MAP3K21: variants seen among roughly 807,000 people sequenced by gnomAD.
The protein encoded by MAP3K21 is mitogen-activated protein kinase kinase kinase MLK4.
A neutral mutation model predicts 86.1 loss-of-function variants in MAP3K21; 63 were observed. The ratio of observed to expected loss-of-function variants is 0.73; its 90% CI spans 0.60 to 0.90. The LOEUF (loss-of-function observed/expected upper bound fraction) is 0.90. MAP3K21 is among the 40% of genes least tolerant of loss of function. The probability of loss-of-function intolerance (pLI) is 0.00; values close to 1 mark genes in which losing one functional copy is unlikely to be tolerated. For synonymous variants in MAP3K21, 558 were observed against 564.8 expected (o/e 0.99, Z 0.17); for missense variants, 1,220 against 1,367.7 (o/e 0.89, Z 1.70).
chr1:233,330,319 G>A (rs567432136), intron 1 of MAP3K21, among the ~76,000 whole-genome samples: 141 of 152,272 alleles, frequency 9.3e-4, no homozygotes, highest in African/African-American at 3.2e-3. Context: ...TACTGGTAGC[G>A]GTGTATTCTT....
intron 4 of MAP3K21, among the ~76,000 whole-genome samples, chr1:233,358,470 T>TTTGTTG (rs1663404787): frequency 3.2e-5 from 3 of 93,264 alleles, no homozygotes; most frequent in Admixed American, 1.2e-4. Flanking sequence ...AAGACTCTAA[T>TTTGTTG]TTGTTTTTTT....
At chr1:233,359,412 T>C (rs950128900) in intron 4 of MAP3K21, among the ~76,000 whole-genome samples, 11 of 152,210 alleles carry the variant, frequency 7.2e-5, no homozygotes, top group Non-Finnish European at 1.5e-4. Context: ...AATGCTTTTT[T>C]TTGGCTTCGA....
intron 2 of MAP3K21, among the ~76,000 whole-genome samples, chr1:233,348,583 G>A (rs1224232212): frequency 6.6e-6 from 1 of 152,094 alleles, no homozygotes; most frequent in African/African-American, 2.4e-5. Context: ...TTTCCAAAGT[G>A]GCTGCACCTT....
intron 6 of MAP3K21, chr1:233,372,500 T>G (rs971349345): frequency 6.0e-6 from 2 of 330,790 alleles, no homozygotes; most frequent in Admixed American, 9.6e-5. Context: ...GTCAGGGTAC[T>G]TTGAAAAATG....
chr1:233,351,339 T>C (rs1177139760), intron 2 of MAP3K21, among the ~76,000 whole-genome samples: 8 of 152,176 alleles, frequency 5.3e-5, no homozygotes, highest in Admixed American at 5.2e-4. Flanking sequence ...AAACAATGTT[T>C]TGAGATGGTA....
Position 233,327,786 on chromosome 1 carries a change from A to G in MAP3K21, c.-243A>G, listed in dbSNP as rs1013050404. 6.5e-5 allele frequency: 20 copies of G among 310,046 alleles called. No individual in the cohort carries two copies. The highest frequency in any genetic ancestry group is 1.6e-4 in the South Asian group (1 of 6,398). The allele number at this position is 310,046 out of a possible 1,614,324, so 19.2% of individuals were successfully genotyped here. On this transcript the variant is annotated 5_prime_UTR_variant, in exon 1 of 10. The change abolishes an upstream ATG in the 5' untranslated region. Coordinates refer to ENST00000366624, the MANE Select transcript of MAP3K21 (RefSeq NM_032435.3). The stretch of plus-strand genomic sequence containing the variant: ...CCGGCCGCAGGGCCTGGGCACGACC[A>G]TGGTGGGACGTCGCCCGCGGCTTCG...
At chr1:233,375,722 C>T in intron 6 of MAP3K21, 194 bp from the exon 7 acceptor site, 1 of 526,346 alleles carries the variant, frequency 1.9e-6, no homozygotes. Flanking sequence ...TAACTTACTC[C>T]ATTTTTCTTG....
At chr1:233,381,423 C>A (rs1315892899) in intron 9 of MAP3K21, among the ~76,000 whole-genome samples, 1 of 152,092 alleles carries the variant, frequency 6.6e-6, no homozygotes, top group African/African-American at 2.4e-5. Flanking sequence ...ACCTTATATA[C>A]CTGTCATGAA....
intron 6 of MAP3K21, chr1:233,373,228 T>C (rs910900588): frequency 6.6e-5 from 10 of 152,222 alleles, no homozygotes; most frequent in Non-Finnish European, 1.0e-4. Context: ...AAAGGCCTAA[T>C]TAACGGAGAG....
intron 5 of MAP3K21, among the ~76,000 whole-genome samples, chr1:233,363,466 G>A (rs761843156): frequency 6.6e-6 from 1 of 152,062 alleles, no homozygotes; most frequent in Non-Finnish European, 1.5e-5. Context: ...GGTTAGCTGA[G>A]GTGGGTGGAT....
Position 233,376,071 on chromosome 1 carries a change from G to T in MAP3K21, c.1826+5G>T. 3.1e-6 allele frequency: 5 copies of T among 1,598,588 alleles called. No homozygotes were observed. The highest frequency in any genetic ancestry group is 4.3e-6 in the Non-Finnish European group (5 of 1,175,932). On this transcript the variant is annotated splice_donor_5th_base_variant and intron_variant, in intron 7 of 9. Transcript: ENST00000366624. ...TAGAACAGATTGCAAAGAAAGGTAC[G>T]TGTGTGGTATCTGGTGGTATTCATT...
In MAP3K21 at chr1:233,372,048, C is replaced by T. The variant is rs1299301341; in HGVS notation, c.1563C>T (p.His521=). Residue 521 remains histidine, a synonymous_variant, in exon 6 of 10, where the codon CAC becomes CAT. Transcript: ENST00000366624. ...HRISLPSDFQ[H]KITVQASPNL... is the part of the protein sequence containing the mutation. The stretch of plus-strand genomic sequence containing the variant: ...TTTTGCCTCCAACAGATTTCCAGCA[C>T]AAGATAACCGTGCAGGCCTCTCCCA... The T allele has an allele frequency of 6.2e-7, 1 of 1,612,714 alleles. No individual in the cohort carries two copies. Among genetic ancestry groups the T allele is most frequent in the Middle Eastern group, 1.7e-4 (1 of 6,050 alleles).
chr1:233,382,243 T>C, intron 9 of MAP3K21, 62 bp from the exon 10 acceptor site: 1 of 1,348,134 alleles, frequency 7.4e-7, no homozygotes, highest in Non-Finnish European at 1.0e-6. Context: ...TTTTTCTTGA[T>C]ATTCATTGTT....
intron 4 of MAP3K21, among the ~76,000 whole-genome samples, chr1:233,357,576 G>T (rs1663384227): frequency 6.6e-6 from 1 of 152,110 alleles, no homozygotes; most frequent in South Asian, 2.1e-4. Context: ...ATCAAGGAGA[G>T]GCACCAATCC....
intron 5 of MAP3K21, among the ~76,000 whole-genome samples, chr1:233,369,374 A>G (rs1402721331): frequency 6.6e-6 from 1 of 152,180 alleles, no homozygotes; most frequent in Non-Finnish European, 1.5e-5. Flanking sequence ...TGGGTGACAG[A>G]GCAAGACTCC....
Position 233,353,807 on chromosome 1 carries a change from C to A in MAP3K21, c.987C>A (p.Ser329Arg). The change falls in exon 3 of 10, where the codon AGC becomes AGA. Residue 329 changes from serine to arginine, a missense_variant and splice_region_variant. Transcript: ENST00000366624. ...SLFSKGSDIW[S>R]YGVLLWELLT... Reference sequence around the variant, plus strand: ...AGCATATGAAATCCTTGCTTTCTAGCTATGGAGTGCTGCTGTGGGAACTGC... The same window carrying A: ...AGCATATGAAATCCTTGCTTTCTAGATATGGAGTGCTGCTGTGGGAACTGC... 6.3e-7 allele frequency: 1 copy of A among 1,578,786 alleles called. No individual in the cohort carries two copies. Among genetic ancestry groups the A allele is most frequent in the Non-Finnish European group, 8.6e-7 (1 of 1,165,934 alleles).
At chr1:233,354,654 A>C (rs1355143994) in intron 3 of MAP3K21, among the ~76,000 whole-genome samples, 182 bp from the exon 4 acceptor site, 2 of 152,214 alleles carry the variant, frequency 1.3e-5, no homozygotes, top group African/African-American at 4.8e-5. Context: ...ACACTATGTA[A>C]AATAAACTAT....
rs16858985 is a variant in MAP3K21 at position 233,350,367 on chromosome 1, A to G, written c.987-3440A>G. On this transcript the variant is annotated intron_variant, in intron 2 of 9. Coordinates refer to ENST00000366624, the MANE Select transcript of MAP3K21 (RefSeq NM_032435.3). ...CTGGCGCTGCTTAGTTGTAGGGTCAAACATTTCTGCATATCTCCGGAACCC... is the reference window on the plus strand; with the variant it reads ...CTGGCGCTGCTTAGTTGTAGGGTCAGACATTTCTGCATATCTCCGGAACCC... Among the ~76,000 whole-genome samples, 917 of 152,296 alleles carry G rather than the reference A, an allele frequency of 6.0e-3. 19 individuals are homozygous for G. In the East Asian group the frequency reaches 0.062, roughly 10 times the overall value.
chr1:233,352,101 G>A (rs986413010), intron 2 of MAP3K21, among the ~76,000 whole-genome samples: 4 of 152,060 alleles, frequency 2.6e-5, no homozygotes, highest in African/African-American at 9.7e-5. Flanking sequence ...TGCCCAGGCT[G>A]GTCTTGCACT....
Sources: gnomAD v4.1 joint callset for allele counts (sites outside exome capture counted in the v4.1 genomes callset) on GRCh38, gnomAD v4.1.1 for gene constraint, MANE v1.5 for transcripts, NCBI Gene and HGNC (gene_info 2026-07-23, HGNC 2026-07-21) for gene names.